FRMD5: variants seen among roughly 807,000 people sequenced by gnomAD.
The protein encoded by FRMD5 is FERM domain-containing protein 5.
In FRMD5, 20 loss-of-function variants were observed where a neutral mutation model predicts 69.0. The observed-to-expected ratio is 0.29, with a 90% CI of 0.20 to 0.42. The LOEUF (loss-of-function observed/expected upper bound fraction) is 0.42, where lower values mean the gene tolerates loss of function less well. Among genes scored for constraint, FRMD5 ranks in the 10% least tolerant of loss-of-function variants. The pLI, the probability that FRMD5 is intolerant of heterozygous loss-of-function variation, is 1.00. For synonymous variants in FRMD5, 271 were observed against 260.1 expected (o/e 1.04, Z -0.40); for missense variants, 595 against 708.6 (o/e 0.84, Z 1.82).
intron 1 of FRMD5, among the ~76,000 whole-genome samples, chr15:44,002,064 T>C (rs1454833858): frequency 6.6e-6 from 1 of 152,164 alleles, no homozygotes; most frequent in African/African-American, 2.4e-5. Flanking sequence ...CCCCTTCAAG[T>C]TGTTTCCTGT....
chr15:44,036,381 C>G (rs1267097725), intron 1 of FRMD5, among the ~76,000 whole-genome samples: 1 of 151,976 alleles, frequency 6.6e-6, no homozygotes, highest in African/African-American at 2.4e-5. Flanking sequence ...TCCTGGGTCC[C>G]TTCTAATTAC....
intron 1 of FRMD5, among the ~76,000 whole-genome samples, chr15:43,938,273 C>T (rs997835864): frequency 6.7e-5 from 10 of 148,798 alleles, no homozygotes; most frequent in African/African-American, 2.5e-4. Flanking sequence ...GCAAAGCATT[C>T]TACAAACATT....
chr15:44,076,596 G>A (rs1893778175), intron 1 of FRMD5, among the ~76,000 whole-genome samples: 1 of 142,296 alleles, frequency 7.0e-6, no homozygotes, highest in Non-Finnish European at 1.5e-5. Flanking sequence ...ACACAGGAAG[G>A]GGAACATCAC....
intron 1 of FRMD5, among the ~76,000 whole-genome samples, chr15:43,931,389 CTCTT>C (rs1237049277): frequency 1.3e-5 from 2 of 152,096 alleles, no homozygotes; most frequent in Non-Finnish European, 2.9e-5. Context: ...CTCTCTCTCT[CTCTT>C]CTCTTTCTCT....
chr15:43,960,174 C>T (rs1409806405), intron 1 of FRMD5, among the ~76,000 whole-genome samples: 6 of 152,110 alleles, frequency 3.9e-5, no homozygotes, highest in Admixed American at 6.5e-5. Context: ...CTGCAAACTC[C>T]GCCTCTAGGG....
intron 1 of FRMD5, among the ~76,000 whole-genome samples, chr15:43,935,316 C>G (rs2089741291): frequency 6.6e-6 from 1 of 152,130 alleles, no homozygotes; most frequent in African/African-American, 2.4e-5. Context: ...CCCATCTCTA[C>G]TAAAAATACA....
intron 1 of FRMD5, among the ~76,000 whole-genome samples, chr15:44,137,101 T>C (rs1254317935): frequency 2.0e-5 from 3 of 152,232 alleles, no homozygotes; most frequent in Admixed American, 6.5e-5. Flanking sequence ...GAGGAGGTTA[T>C]AAGCTAGACC....
intron 1 of FRMD5, among the ~76,000 whole-genome samples, chr15:44,134,573 C>T (rs892454362): frequency 3.3e-5 from 5 of 152,102 alleles, no homozygotes; most frequent in East Asian, 1.9e-4. Flanking sequence ...CTCAACCTCC[C>T]GAGTAGCTGG....
chr15:44,019,522 G>A (rs1471040149), intron 1 of FRMD5, among the ~76,000 whole-genome samples: 1 of 151,274 alleles, frequency 6.6e-6, no homozygotes, highest in East Asian at 1.9e-4. Context: ...GATCACCTCA[G>A]ATCCGGAGTT....
At chr15:44,065,033 A>G (rs1238714821) in intron 1 of FRMD5, among the ~76,000 whole-genome samples, 2 of 152,226 alleles carry the variant, frequency 1.3e-5, no homozygotes, top group Non-Finnish European at 2.9e-5. Flanking sequence ...AGCGGTTAAG[A>G]GCACAGGCTC....
chr15:43,989,718 C>T (rs1208645343), intron 1 of FRMD5: 4 of 994,222 alleles, frequency 4.0e-6, no homozygotes, highest in South Asian at 1.3e-5. Flanking sequence ...ACCCCGTCAT[C>T]GTAGTCCATC....
chr15:43,895,886 C>T (rs2140382880), intron 7 of FRMD5, among the ~76,000 whole-genome samples: 1 of 152,330 alleles, frequency 6.6e-6, no homozygotes, highest in South Asian at 2.1e-4. Flanking sequence ...CCAGATTCTT[C>T]TATCTGACTT....
chr15:44,147,041 T>C (rs193059606), intron 1 of FRMD5, among the ~76,000 whole-genome samples: 1 of 152,344 alleles, frequency 6.6e-6, no homozygotes, highest in Admixed American at 6.5e-5. Context: ...GCTTTTGATA[T>C]TTTTGTCATG....
chr15:44,194,935 G>T lies in FRMD5; in HGVS notation c.102+18C>A. The T allele has an allele frequency of 6.6e-7, 1 of 1,512,904 alleles. No individual in the cohort carries two copies. The highest frequency in any genetic ancestry group is 8.8e-7 in the Non-Finnish European group (1 of 1,132,606). 93.7% of individuals were successfully genotyped at this position (1,512,904 alleles called of 1,614,324 possible). On this transcript the variant is annotated intron_variant, in intron 1 of 13. Coordinates refer to ENST00000417257, the MANE Select transcript of FRMD5 (RefSeq NM_032892.5). ...ACAAGGGGGTCCCGCGGGCGGGGCG[G>T]GGCGGCGCGGCGCTGACCTGGATGG...
chr15:44,126,783 C>T (rs1422128511), intron 1 of FRMD5, among the ~76,000 whole-genome samples: 1 of 152,160 alleles, frequency 6.6e-6, no homozygotes, highest in Non-Finnish European at 1.5e-5. Context: ...CTCAGCTGAC[C>T]AATCTTCCAA....
In FRMD5 at chr15:44,137,258, T is replaced by C. The variant is rs576671221; in HGVS notation, c.102+57695A>G. Among the ~76,000 whole-genome samples, 38 of 152,354 alleles carry C rather than the reference T, an allele frequency of 2.5e-4. 1 individual carries two copies. The South Asian group carries it at 2.7e-3, about 11-fold the overall frequency. On this transcript the variant is annotated intron_variant, in intron 1 of 13. Coordinates refer to ENST00000417257, the MANE Select transcript of FRMD5 (RefSeq NM_032892.5). ...CACCTCCTTAGCCACAGTCCAGGAA[T>C]TCGGTAGCCACCAGTGTGATTGCTG...
intron 1 of FRMD5, among the ~76,000 whole-genome samples, chr15:44,054,105 C>G (rs1291968979): frequency 6.6e-6 from 1 of 152,194 alleles, no homozygotes; most frequent in Non-Finnish European, 1.5e-5. Flanking sequence ...TTCTCATGTT[C>G]AACTGCTTTA....
At chr15:44,117,720 G>A (rs1441340032) in intron 1 of FRMD5, among the ~76,000 whole-genome samples, 2 of 152,206 alleles carry the variant, frequency 1.3e-5, no homozygotes, top group Non-Finnish European at 2.9e-5. Flanking sequence ...ATTTATGAAG[G>A]CTAAGGCCTT....
rs112696517 is a variant in FRMD5 at position 43,906,003 on chromosome 15, T to C, written c.428-52A>G. 76 of 1,611,120 alleles carry C rather than the reference T, an allele frequency of 4.7e-5. No individual in the cohort carries two copies. The highest frequency in any genetic ancestry group is 1.9e-4 in the South Asian group (17 of 90,900). On this transcript the variant is annotated intron_variant, in intron 5 of 13. Coordinates refer to ENST00000417257, the MANE Select transcript of FRMD5 (RefSeq NM_032892.5). ...AATTGTGGAGACAGGTAAATCATCA[T>C]TGACAAAGCAACAAGAGATTAGCAC...
Sources: allele counts gnomAD v4.1 joint callset (sites outside exome capture counted in the v4.1 genomes callset), GRCh38; gene constraint gnomAD v4.1.1; transcripts MANE v1.5; gene names NCBI Gene and HGNC (gene_info 2026-07-23, HGNC 2026-07-21).